DACH2: variants seen among roughly 807,000 people sequenced by gnomAD.
The protein encoded by DACH2 is dachshund homolog 2.
Under a neutral mutation model 35.8 loss-of-function variants are expected in DACH2, and 17 were observed. The ratio of observed to expected loss-of-function variants is 0.48; its 90% CI spans 0.33 to 0.71. DACH2 has a LOEUF of 0.71. DACH2 is among the 30% of genes least tolerant of loss of function. The probability of loss-of-function intolerance (pLI) is 0.02; values close to 1 mark genes in which losing one functional copy is unlikely to be tolerated. For synonymous variants in DACH2, 195 were observed against 177.3 expected (o/e 1.10, Z -0.79); for missense variants, 469 against 472.7 (o/e 0.99, Z 0.07).
chrX:86,306,071 T>C (rs1329983352), intron 1 of DACH2, among the ~76,000 whole-genome samples: 1 of 112,181 alleles, frequency 8.9e-6, no homozygotes, highest in Non-Finnish European at 1.9e-5. Context: ...GAACTACATA[T>C]AATTTAACAA....
chrX:86,730,306 G>A (rs886870676), intron 6 of DACH2, among the ~76,000 whole-genome samples: 4 of 112,018 alleles, frequency 3.6e-5, no homozygotes, highest in African/African-American at 6.5e-5. Flanking sequence ...GGTCCTAGGA[G>A]CAACTTTTAA....
chrX:86,173,405 G>A (rs143399404), intron 1 of DACH2, among the ~76,000 whole-genome samples: 1,137 of 111,948 alleles, frequency 0.01, 6 homozygotes, highest in Non-Finnish European at 0.018. Context: ...CAAAGTAAGG[G>A]TATGGGAGGA....
At chrX:86,688,254 G>A (rs2040971466) in intron 4 of DACH2, among the ~76,000 whole-genome samples, 1 of 111,061 alleles carries the variant, frequency 9.0e-6, no homozygotes, top group Non-Finnish European at 1.9e-5. Flanking sequence ...TTTTTAAATT[G>A]TCCTTTCTGA....
chrX:86,392,674 A>G lies in DACH2; in HGVS notation c.527+15812A>G, dbSNP rs373179183. 2.3e-4 allele frequency among the ~76,000 whole-genome samples: 26 copies of G among 111,854 alleles called. No homozygotes were observed. In the East Asian group the frequency reaches 6.2e-3, roughly 27 times the overall value. The stretch of plus-strand genomic sequence containing the variant: ...AATACTAAAGAACACTTTCCCACTT[A>G]CACTGAAATGGTATGACTGCAGAAC... On this transcript the variant is annotated intron_variant, in intron 2 of 11. Transcript: ENST00000373125.
chrX:86,307,867 A>T (rs2148020773), intron 1 of DACH2, among the ~76,000 whole-genome samples: 1 of 112,058 alleles, frequency 8.9e-6, no homozygotes, highest in South Asian at 3.7e-4. Flanking sequence ...ATAATGGTGG[A>T]AGCAACATAG....
intron 1 of DACH2, among the ~76,000 whole-genome samples, chrX:86,200,102 G>A (rs2147900950): frequency 9.0e-6 from 1 of 110,830 alleles, no homozygotes; most frequent in South Asian, 3.9e-4. Flanking sequence ...CAGACACATG[G>A]AACAATGGAA....
At chrX:86,345,055 A>C (rs1181440363) in intron 1 of DACH2, among the ~76,000 whole-genome samples, 1 of 112,057 alleles carries the variant, frequency 8.9e-6, no homozygotes, top group Admixed American at 9.5e-5. Flanking sequence ...CTTTCATCTT[A>C]AAACATTAAG....
intron 1 of DACH2, among the ~76,000 whole-genome samples, chrX:86,233,031 C>G: frequency 8.9e-6 from 1 of 111,946 alleles, no homozygotes; most frequent in Non-Finnish European, 1.9e-5. Flanking sequence ...AGATCACATC[C>G]TTTCCAGGAA....
At position 86,443,504 on chromosome X, in the gene DACH2, A is replaced by T. The variant is rs1036208953; in HGVS notation, c.527+66642A>T. ...ACTTCTACTTTTCCAATTTGAATGA[A>T]TTTTTTTTTTTTTTTCTGGTCTAGT... On this transcript the variant is annotated intron_variant, in intron 2 of 11. Transcript: ENST00000373125. Among the ~76,000 whole-genome samples, 23 of 99,394 alleles carry T rather than the reference A, an allele frequency of 2.3e-4. 1 individual carries two copies. Among genetic ancestry groups the T allele is most frequent in the Admixed American group, 5.5e-4 (5 of 9,137 alleles). The allele number at this position is 99,394 out of a possible 115,157, so 86.3% of individuals were successfully genotyped here.
intron 3 of DACH2, among the ~76,000 whole-genome samples, chrX:86,585,722 G>T (rs763679621): frequency 9.0e-6 from 1 of 111,205 alleles, no homozygotes; most frequent in African/African-American, 3.3e-5. Flanking sequence ...TTTCATCCAT[G>T]TTGCAGCAAA....
chrX:86,466,082 A>G (rs1421504213), intron 2 of DACH2, among the ~76,000 whole-genome samples: 1 of 111,477 alleles, frequency 9.0e-6, no homozygotes, highest in Non-Finnish European at 1.9e-5. Flanking sequence ...GTTTAATTAG[A>G]CTTATAGTTT....
intron 7 of DACH2, among the ~76,000 whole-genome samples, chrX:86,797,349 G>A (rs945335649): frequency 6.3e-5 from 7 of 110,430 alleles, no homozygotes; most frequent in Non-Finnish European, 9.5e-5. Context: ...GTTACTAAAA[G>A]CATCACACTC....
intron 4 of DACH2, among the ~76,000 whole-genome samples, chrX:86,692,324 G>C (rs1267180670): frequency 7.2e-5 from 8 of 110,536 alleles, no homozygotes; most frequent in East Asian, 2.9e-4. Context: ...CCATTAACTC[G>C]TCATACATTA....
intron 2 of DACH2, among the ~76,000 whole-genome samples, chrX:86,460,044 C>A (rs1327841151): frequency 9.0e-6 from 1 of 110,581 alleles, no homozygotes; most frequent in Non-Finnish European, 1.9e-5. Context: ...AGTTTTATAA[C>A]AAATGATATT....
At chrX:86,765,545 C>T (rs898252084) in intron 7 of DACH2, among the ~76,000 whole-genome samples, 7 of 109,621 alleles carry the variant, frequency 6.4e-5, no homozygotes, top group African/African-American at 2.0e-4. Context: ...TGTTTGGAGA[C>T]GTGAAGCATT....
At chrX:86,717,016 G>C (rs760943868) in intron 6 of DACH2, among the ~76,000 whole-genome samples, 14 of 111,733 alleles carry the variant, frequency 1.3e-4, no homozygotes, top group Admixed American at 2.9e-4. Flanking sequence ...AAAGAGAAAT[G>C]GATCTACTTT....
At chrX:86,155,706 G>C (rs1261349958) in intron 1 of DACH2, among the ~76,000 whole-genome samples, 1 of 111,196 alleles carries the variant, frequency 9.0e-6, no homozygotes, top group African/African-American at 3.2e-5. Flanking sequence ...TCAGCTTTCT[G>C]AAGAATATAT....
At chrX:86,698,491 A>G (rs865886243) in intron 5 of DACH2, among the ~76,000 whole-genome samples, 1 of 71,636 alleles carries the variant, frequency 1.4e-5, no homozygotes, top group Non-Finnish European at 2.8e-5. Flanking sequence ...TAATTTTTTT[A>G]ATTTCTTCTT....
At chrX:86,319,355 T>C (rs1216767529) in intron 1 of DACH2, among the ~76,000 whole-genome samples, 2 of 112,173 alleles carry the variant, frequency 1.8e-5, no homozygotes, top group Non-Finnish European at 3.8e-5. Context: ...AAAACATCTT[T>C]TACTGTTTTT....
Sources: gnomAD v4.1 joint callset for allele counts (sites outside exome capture counted in the v4.1 genomes callset) on GRCh38, gnomAD v4.1.1 for gene constraint, MANE v1.5 for transcripts, NCBI Gene and HGNC (gene_info 2026-07-23, HGNC 2026-07-21) for gene names.